Variants in AUH observed in about 807,000 individuals in gnomAD.
AUH encodes the protein AU RNA binding methylglutaconyl-CoA hydratase.
Under a neutral mutation model 42.3 loss-of-function variants are expected in AUH, and 29 were observed. The ratio of observed to expected loss-of-function variants is 0.69; its 90% CI spans 0.51 to 0.93. AUH has a LOEUF of 0.93. Among genes scored for constraint, AUH ranks in the 40% least tolerant of loss-of-function variants. AUH has a pLI of 0.00. For synonymous variants in AUH, 174 were observed against 166.4 expected (o/e 1.05, Z -0.35); for missense variants, 452 against 438.1 (o/e 1.03, Z -0.28).
intron 4 of AUH, among the ~76,000 whole-genome samples, chr9:91,310,811 A>G (rs560382810): frequency 6.6e-6 from 1 of 152,354 alleles, no homozygotes; most frequent in East Asian, 1.9e-4. Context: ...ACTCATTTAT[A>G]CAAAGATAGT....
At chr9:91,233,500 C>T (rs1828006152) in intron 6 of AUH, among the ~76,000 whole-genome samples, 1 of 152,140 alleles carries the variant, frequency 6.6e-6, no homozygotes, top group Non-Finnish European at 1.5e-5. Flanking sequence ...TGGTATGGGA[C>T]TGTCATTCTC....
At chr9:91,253,738 T>G (rs973998827) in intron 6 of AUH, among the ~76,000 whole-genome samples, 1 of 152,234 alleles carries the variant, frequency 6.6e-6, no homozygotes, top group East Asian at 1.9e-4. Flanking sequence ...CTTGTGGGGC[T>G]CCATGTGAAT....
chr9:91,346,113 G>GC (rs2132013915), intron 3 of AUH, among the ~76,000 whole-genome samples: 1 of 152,036 alleles, frequency 6.6e-6, no homozygotes, highest in East Asian at 1.9e-4. Flanking sequence ...TTCCTAACAT[G>GC]CCCTTCTCAA....
intron 3 of AUH, among the ~76,000 whole-genome samples, chr9:91,331,233 AG>A (rs1467934135): frequency 8.5e-5 from 13 of 152,204 alleles, no homozygotes; most frequent in Non-Finnish European, 7.3e-5. Flanking sequence ...TTGGAGAAAA[AG>A]GTGAAGAAAG....
At position 91,360,091 on chromosome 9, in the gene AUH, T is replaced by A. The variant is rs2282145; in HGVS notation, c.262+1537A>T. On this transcript the variant is annotated intron_variant, in intron 1 of 9. Coordinates refer to ENST00000375731, the MANE Select transcript of AUH (RefSeq NM_001698.3). ...TTATTATCTGATATTCTCTCTTCTG[T>A]CCATTCAGATCCTAACTTAAAGTCT... Among the ~76,000 whole-genome samples, 44 of 152,302 alleles carry A rather than the reference T, an allele frequency of 2.9e-4. No homozygotes were observed. The East Asian group carries it at 7.7e-3, about 27-fold the overall frequency.
At chr9:91,294,657 C>T (rs1489093596) in intron 6 of AUH, 2 of 454,572 alleles carry the variant, frequency 4.4e-6, no homozygotes, top group Admixed American at 4.7e-5. Context: ...TGGAAAGGAT[C>T]TGCCATTCTA....
chr9:91,297,254 A>C lies in AUH; in HGVS notation c.598+730T>G, dbSNP rs77439550. Reference sequence around the variant, plus strand: ...CCAGTGCCCCAAAGTACCTGCTCTGAGGGTTGTTATGCAGATGGAGTGAGT... The same window carrying C: ...CCAGTGCCCCAAAGTACCTGCTCTGCGGGTTGTTATGCAGATGGAGTGAGT... On this transcript the variant is annotated intron_variant, in intron 5 of 9. Coordinates refer to ENST00000375731, the MANE Select transcript of AUH (RefSeq NM_001698.3). Among the ~76,000 whole-genome samples, 552 of 152,250 alleles carry C rather than the reference A, an allele frequency of 3.6e-3. 7 individuals carry two copies. Among genetic ancestry groups the C allele is most frequent in the African/African-American group, 0.013 (526 of 41,538 alleles).
At chr9:91,216,602 T>C (rs571933675) in intron 8 of AUH, among the ~76,000 whole-genome samples, 2 of 152,340 alleles carry the variant, frequency 1.3e-5, no homozygotes, top group South Asian at 2.1e-4. Context: ...ATTGACTGTA[T>C]AAAGTCAATC....
At position 91,356,143 on chromosome 9, in the gene AUH, A is replaced by G; in HGVS notation, c.275T>C (p.Leu92Pro). 1 of 1,613,722 alleles carries G rather than the reference A, an allele frequency of 6.2e-7. No individual in the cohort carries two copies. Among genetic ancestry groups the G allele is most frequent in the Non-Finnish European group, 8.5e-7 (1 of 1,179,760 alleles). The change falls in exon 2 of 10, where the codon CTT becomes CCT. Residue 92 changes from leucine (L) to proline (P), a missense_variant. Transcript: ENST00000375731. ...TTTGCCATAAGCTCTGTTTATTCCAAGCACCACAATTCCTAGTTAAAGGGG... is the reference window on the plus strand; with the variant it reads ...TTTGCCATAAGCTCTGTTTATTCCAGGCACCACAATTCCTAGTTAAAGGGG... ...LEEENRGIVV[L>P]GINRAYGKNS... is the part of the protein sequence containing the mutation.
intron 6 of AUH, among the ~76,000 whole-genome samples, chr9:91,257,732 T>A (rs1440860879): frequency 6.6e-6 from 1 of 152,220 alleles, no homozygotes; most frequent in Non-Finnish European, 1.5e-5. Context: ...TAGTGTTTAA[T>A]CTACCAACTT....
chr9:91,360,774 C>T lies in AUH; in HGVS notation c.262+854G>A, dbSNP rs535137634. On this transcript the variant is annotated intron_variant, in intron 1 of 9. Coordinates refer to ENST00000375731, the MANE Select transcript of AUH (RefSeq NM_001698.3). ...ACACTAAAACCAATCACGACTTACA[C>T]GCTTTTCACTTCTGCTTAACAGATT... Among the ~76,000 whole-genome samples the T allele has an allele frequency of 4.6e-5, 7 of 152,310 alleles. No homozygotes were observed. In the South Asian group the frequency reaches 1.4e-3, roughly 32 times the overall value.
chr9:91,335,007 C>T (rs373486499), intron 3 of AUH, among the ~76,000 whole-genome samples: 2 of 152,340 alleles, frequency 1.3e-5, no homozygotes, highest in African/African-American at 2.4e-5. Flanking sequence ...ATATCTCCAA[C>T]TAGGACCAGG....
chr9:91,299,074 C>T (rs1265549952), intron 4 of AUH, among the ~76,000 whole-genome samples: 1 of 152,060 alleles, frequency 6.6e-6, no homozygotes, highest in Non-Finnish European at 1.5e-5. Context: ...AAAAATTAGC[C>T]AGGCATGATG....
At chr9:91,276,153 G>A (rs1025574432) in intron 6 of AUH, among the ~76,000 whole-genome samples, 6 of 152,126 alleles carry the variant, frequency 3.9e-5, no homozygotes, top group Non-Finnish European at 8.8e-5. Context: ...AACAGGTCGA[G>A]CGCGGTGGCT....
At chr9:91,303,742 T>C (rs1450323465) in intron 4 of AUH, among the ~76,000 whole-genome samples, 1 of 152,238 alleles carries the variant, frequency 6.6e-6, no homozygotes, top group African/African-American at 2.4e-5. Context: ...GTCTGAATAC[T>C]AAAATCTTTC....
intron 3 of AUH, among the ~76,000 whole-genome samples, chr9:91,354,339 T>C (rs534050512): frequency 2.6e-5 from 4 of 152,350 alleles, no homozygotes; most frequent in South Asian, 4.1e-4. Context: ...ATTATCCTGA[T>C]TGTACGAAAG....
intron 3 of AUH, among the ~76,000 whole-genome samples, chr9:91,347,675 C>A (rs1831629933): frequency 6.6e-6 from 1 of 152,076 alleles, no homozygotes; most frequent in Admixed American, 6.6e-5. Context: ...TTCTCTTTCA[C>A]AACATATATA....
intron 6 of AUH, among the ~76,000 whole-genome samples, chr9:91,295,581 C>T (rs1260485409): frequency 6.6e-6 from 1 of 152,190 alleles, no homozygotes; most frequent in African/African-American, 2.4e-5. Flanking sequence ...CTCCAGCAAC[C>T]GCCACTCTAA....
chr9:91,214,848 T>C (rs967711543), intron 9 of AUH, among the ~76,000 whole-genome samples: 2 of 152,190 alleles, frequency 1.3e-5, no homozygotes, highest in Admixed American at 1.3e-4. Context: ...TATTTTGGGT[T>C]TTTCCAGCAG....
Sources: allele counts gnomAD v4.1 joint callset (sites outside exome capture counted in the v4.1 genomes callset), GRCh38; gene constraint gnomAD v4.1.1; transcripts MANE v1.5; gene names NCBI Gene and HGNC (gene_info 2026-07-23, HGNC 2026-07-21).